The following CENPC variants were observed in gnomAD, a reference collection of about 807,000 sequenced individuals.
CENPC encodes CENP-C 1.
Under a neutral mutation model 112.1 loss-of-function variants are expected in CENPC, and 63 were observed. That is an observed-to-expected ratio of 0.56 (90% CI 0.46 to 0.69). The LOEUF (loss-of-function observed/expected upper bound fraction) is 0.69, where lower values mean the gene tolerates loss of function less well. Ranked by LOEUF, CENPC falls within the 30% of genes least tolerant of loss-of-function variation. The pLI, the probability that CENPC is intolerant of heterozygous loss-of-function variation, is 0.00. For synonymous variants in CENPC, 333 were observed against 367.6 expected (o/e 0.91, Z 1.08); for missense variants, 1,000 against 1,103.8 (o/e 0.91, Z 1.33).
At chr4:67,529,836 T>G (rs1726492885) in intron 5 of CENPC, among the ~76,000 whole-genome samples, 1 of 152,168 alleles carries the variant, frequency 6.6e-6, no homozygotes, top group Non-Finnish European at 1.5e-5. Context: ...GGTATTTATA[T>G]CAGGACATAC....
At chr4:67,519,147 G>T in intron 6 of CENPC, 70 bp downstream of exon 6, 2 of 1,127,952 alleles carry the variant, frequency 1.8e-6, no homozygotes, top group Non-Finnish European at 2.5e-6. Flanking sequence ...TAACAAGATT[G>T]AATTACCATT....
At chr4:67,473,823 G>T (rs577343062) in intron 18 of CENPC, among the ~76,000 whole-genome samples, 1 of 152,220 alleles carries the variant, frequency 6.6e-6, no homozygotes, top group South Asian at 2.1e-4. Context: ...GGGATTACAG[G>T]TGTGAGCCAC....
At chr4:67,508,148 C>T (rs1171832219) in intron 10 of CENPC, among the ~76,000 whole-genome samples, 2 of 152,134 alleles carry the variant, frequency 1.3e-5, no homozygotes, top group African/African-American at 2.4e-5. Context: ...ATATTCCTAA[C>T]TATTGAAATC....
intron 18 of CENPC, among the ~76,000 whole-genome samples, chr4:67,473,479 A>ACAG (rs1724723615): frequency 6.6e-6 from 1 of 152,186 alleles, no homozygotes; most frequent in South Asian, 2.1e-4. Flanking sequence ...GCTCTATAAA[A>ACAG]GCAGGGATTT....
intron 6 of CENPC, among the ~76,000 whole-genome samples, chr4:67,518,569 T>C (rs911632339): frequency 7.2e-5 from 11 of 152,106 alleles, no homozygotes; most frequent in African/African-American, 1.9e-4. Flanking sequence ...TATTTATCAA[T>C]AGAAAAACAT....
intron 17 of CENPC, among the ~76,000 whole-genome samples, chr4:67,485,345 A>T (rs186204992): frequency 1.0e-3 from 156 of 152,354 alleles, no homozygotes; most frequent in African/African-American, 3.4e-3. Context: ...CATAGGTAGC[A>T]CACACTGGCA....
intron 17 of CENPC, among the ~76,000 whole-genome samples, chr4:67,484,173 A>C (rs1181168278): frequency 6.6e-6 from 1 of 152,210 alleles, no homozygotes; most frequent in Non-Finnish European, 1.5e-5. Flanking sequence ...TTCTACATTT[A>C]GATACACAAA....
intron 4 of CENPC, among the ~76,000 whole-genome samples, chr4:67,537,486 C>T (rs1726759138): frequency 6.6e-6 from 1 of 151,964 alleles, no homozygotes; most frequent in African/African-American, 2.4e-5. Context: ...TGAGACCCTG[C>T]CTCTGTAAAG....
chr4:67,484,700 G>A lies in CENPC; in HGVS notation c.2670+5267C>T, dbSNP rs139922599. Among the ~76,000 whole-genome samples, 79 of 152,290 alleles carry A rather than the reference G, an allele frequency of 5.2e-4. 1 individual carries two copies. The South Asian group carries it at 5.8e-3, about 11-fold the overall frequency. On this transcript the variant is annotated intron_variant, in intron 17 of 18. Transcript: ENST00000273853. The stretch of plus-strand genomic sequence containing the variant: ...AAGGATGGGGACCATTGTAATACAG[G>A]AAGAGATTTCTTTTATTTTTCCTTA...
intron 12 of CENPC, among the ~76,000 whole-genome samples, chr4:67,504,816 C>T (rs574122191): frequency 6.6e-6 from 1 of 150,884 alleles, no homozygotes; most frequent in Non-Finnish European, 1.5e-5. Flanking sequence ...AGCGAGACTC[C>T]GTCTCAAACA....
chr4:67,539,882 T>C lies in CENPC; in HGVS notation c.189A>G (p.Thr63=), dbSNP rs1242619471. ...TNSTKSVPNS[T]RKIKDTCIQS... ...GAATACAAGTGTCTTTTATTTTGCG[T>C]GTTGAATTAGGCACTGATTTTGTAG... is the stretch of plus-strand genomic sequence containing the variant. Residue 63 remains threonine (T), a synonymous_variant, in exon 4 of 19, where the codon ACA becomes ACG. Coordinates refer to ENST00000273853, the MANE Select transcript of CENPC (RefSeq NM_001812.4). 2.0e-6 allele frequency: 3 copies of C among 1,535,632 alleles called. No homozygotes were observed. The highest frequency in any genetic ancestry group is 1.4e-5 in the African/African-American group (1 of 72,144).
At chr4:67,473,011 TAC>T (rs1724708926) in intron 18 of CENPC, among the ~76,000 whole-genome samples, 1 of 152,226 alleles carries the variant, frequency 6.6e-6, no homozygotes, top group Non-Finnish European at 1.5e-5. Context: ...TAACCAGACA[TAC>T]TCATATATAG....
At chr4:67,539,743 A>G (rs1209655749) in intron 4 of CENPC, 97 bp downstream of exon 4, 5 of 603,496 alleles carry the variant, frequency 8.3e-6, no homozygotes, top group Non-Finnish European at 1.4e-5. Context: ...CCTTTCAAGA[A>G]TAAGACTTAC....
intron 13 of CENPC, 121 bp from the exon 14 acceptor site, chr4:67,494,109 A>C (rs552267308): frequency 8.2e-5 from 45 of 550,020 alleles, no homozygotes; most frequent in Non-Finnish European, 1.2e-4. Flanking sequence ...ATTTTTCTAG[A>C]CAAAAGACTA....
In CENPC at chr4:67,492,905, T is replaced by A; in HGVS notation, c.2383A>T (p.Asn795Tyr). ...ENIGKVNKKS[N>Y]KKRICLDNDE... ...TTATCAAGACAGATCCTTTTCTTAT[T>A]AGATTTTTTGTTGACTTTTCCAATA... Residue 795 changes from asparagine to tyrosine, a missense_variant, in exon 15 of 19, where the codon AAT becomes TAT. By Grantham distance (143) the Asn-to-Tyr change is moderately radical. Coordinates refer to ENST00000273853, the MANE Select transcript of CENPC (RefSeq NM_001812.4). 1 of 1,569,748 alleles carries A rather than the reference T, an allele frequency of 6.4e-7. No homozygotes were observed. The highest frequency in any genetic ancestry group is 2.3e-5 in the East Asian group (1 of 43,794).
chr4:67,504,455 G>A (rs778483844), intron 12 of CENPC, among the ~76,000 whole-genome samples: 30 of 152,086 alleles, frequency 2.0e-4, no homozygotes, highest in Non-Finnish European at 3.5e-4. Context: ...AATCAAGCAC[G>A]CATTTTTAGG....
intron 9 of CENPC, 128 bp downstream of exon 9, chr4:67,512,274 T>G (rs1725912689): frequency 3.1e-6 from 2 of 648,602 alleles, no homozygotes; most frequent in Non-Finnish European, 5.2e-6. Context: ...GATTTAATAT[T>G]CCTTTTGATG....
At chr4:67,512,655 T>TA in intron 8 of CENPC, 86 bp from the exon 9 acceptor site, 2 of 917,666 alleles carry the variant, frequency 2.2e-6, no homozygotes, top group East Asian at 5.8e-5. Context: ...AACCGTCAAT[T>TA]ACAGGAACTT....
chr4:67,494,045 C>A, intron 13 of CENPC, 57 bp from the exon 14 acceptor site: 1 of 986,094 alleles, frequency 1.0e-6, no homozygotes. Flanking sequence ...TGGTACTTAG[C>A]AGTGGAAAGA....
Sources: gnomAD v4.1 joint callset for allele counts (sites outside exome capture counted in the v4.1 genomes callset) on GRCh38, gnomAD v4.1.1 for gene constraint, MANE v1.5 for transcripts, NCBI Gene and HGNC (gene_info 2026-07-23, HGNC 2026-07-21) for gene names.